STPG2: variants seen among roughly 807,000 people sequenced by gnomAD.
STPG2 encodes the protein sperm-tail PG-rich repeat-containing protein 2.
Under a neutral mutation model 54.2 loss-of-function variants are expected in STPG2, and 56 were observed. The ratio of observed to expected loss-of-function variants is 1.03; its 90% confidence interval spans 0.83 to 1.29. STPG2 has a LOEUF of 1.29. Among genes scored for constraint, STPG2 ranks in the 50% most tolerant of loss-of-function variants. The pLI is 0.00. For missense variants in STPG2, 596 were observed against 544.9 expected (o/e 1.09, Z -0.93); for synonymous variants, 200 against 181.8 (o/e 1.10, Z -0.81).
At position 97,866,544 on chromosome 4, in the gene STPG2, T is replaced by A. The variant is rs571035198; in HGVS notation, c.1045-25612A>T. 3.3e-5 allele frequency among the ~76,000 whole-genome samples: 5 copies of A among 152,160 alleles called. No individual in the cohort carries two copies. The East Asian group carries it at 7.7e-4, about 24-fold the overall frequency. On this transcript the variant is annotated intron_variant, in intron 8 of 10. Coordinates refer to ENST00000295268, the MANE Select transcript of STPG2 (RefSeq NM_174952.3). The stretch of plus-strand genomic sequence containing the variant: ...AATTCTTTTTGAAAAAAATCTGTTT[T>A]CTTGGCACTCTGAGGGTATTATCTC...
At chr4:97,778,463 G>C (rs1193315645) in intron 9 of STPG2, among the ~76,000 whole-genome samples, 1 of 152,170 alleles carries the variant, frequency 6.6e-6, no homozygotes, top group Non-Finnish European at 1.5e-5. Context: ...GCCCACCTTA[G>C]CTCAAGGAGG....
intron 9 of STPG2, among the ~76,000 whole-genome samples, chr4:97,799,141 T>C (rs1727295069): frequency 7.2e-6 from 1 of 139,742 alleles, no homozygotes; most frequent in Non-Finnish European, 1.5e-5. Context: ...TTATCCAGTT[T>C]GTCAGTCTGT....
intron 9 of STPG2, among the ~76,000 whole-genome samples, chr4:97,798,125 A>G (rs1727262716): frequency 1.3e-5 from 2 of 152,120 alleles, no homozygotes; most frequent in South Asian, 4.1e-4. Context: ...GATCTTTTCA[A>G]AAAACTAGCT....
At chr4:97,640,569 T>G (rs1296531662) in intron 10 of STPG2, among the ~76,000 whole-genome samples, 1 of 151,846 alleles carries the variant, frequency 6.6e-6, no homozygotes, top group Non-Finnish European at 1.5e-5. Flanking sequence ...TGTTTTCATG[T>G]TCAAATAGTT....
In STPG2 at chr4:97,853,518, T is replaced by A. The variant is rs547656951; in HGVS notation, c.1045-12586A>T. On this transcript the variant is annotated intron_variant, in intron 8 of 10. Coordinates refer to ENST00000295268, the MANE Select transcript of STPG2 (RefSeq NM_174952.3). Reference sequence around the variant, plus strand: ...TCAATAGCACATTTTTTAGTGACACTAAATGTTTCTTGATTAAATAAACAA... The same window carrying A: ...TCAATAGCACATTTTTTAGTGACACAAAATGTTTCTTGATTAAATAAACAA... Among the ~76,000 whole-genome samples the A allele has an allele frequency of 1.5e-3, 233 of 152,290 alleles. 1 individual carries two copies. The highest frequency in any genetic ancestry group is 5.4e-3 in the African/African-American group (223 of 41,580).
At chr4:98,105,700 C>T (rs1412665338) in intron 5 of STPG2, among the ~76,000 whole-genome samples, 1 of 151,796 alleles carries the variant, frequency 6.6e-6, no homozygotes, top group Non-Finnish European at 1.5e-5. Flanking sequence ...TGTGTTCTAC[C>T]CTTTGTTTCA....
rs561075328 is a variant in STPG2, at chr4:97,563,451, T to G, written c.1321-4334A>C. Among the ~76,000 whole-genome samples the G allele has an allele frequency of 4.3e-3, 652 of 152,330 alleles. 4 individuals carry two copies. Among genetic ancestry groups the G allele is most frequent in the South Asian group, 0.02 (98 of 4,828 alleles). On this transcript the variant is annotated intron_variant, in intron 10 of 10. Coordinates refer to ENST00000295268, the MANE Select transcript of STPG2 (RefSeq NM_174952.3). ...GTCTCTATTTCCTTCAGTTCTGCTC[T>G]GATTTTAGTTATTTCTTGCCTTCTG...
chr4:97,824,292 C>T (rs1215638115), intron 9 of STPG2, among the ~76,000 whole-genome samples: 2 of 152,042 alleles, frequency 1.3e-5, no homozygotes, highest in Non-Finnish European at 2.9e-5. Flanking sequence ...CTTTCCCTTC[C>T]TTTCTCTCTC....
intron 8 of STPG2, among the ~76,000 whole-genome samples, chr4:97,903,897 T>C (rs1287802084): frequency 6.6e-6 from 1 of 152,146 alleles, no homozygotes; most frequent in Admixed American, 6.5e-5. Context: ...CCAACGGGCT[T>C]AAAAAATGGC....
At chr4:97,500,515 G>A (rs1045361477) in intron 4 of STPG2, among the ~76,000 whole-genome samples, 2 of 152,010 alleles carry the variant, frequency 1.3e-5, no homozygotes, top group African/African-American at 2.4e-5. Flanking sequence ...CATATGGATA[G>A]CATTGAAAGC....
chr4:97,912,701 C>A (rs751776210), intron 8 of STPG2, among the ~76,000 whole-genome samples: 1 of 152,062 alleles, frequency 6.6e-6, no homozygotes, highest in African/African-American at 2.4e-5. Context: ...TTAAAAAGAC[C>A]AAACCTATGA....
At chr4:97,698,616 G>C (rs1328575738) in intron 10 of STPG2, among the ~76,000 whole-genome samples, 2 of 152,112 alleles carry the variant, frequency 1.3e-5, no homozygotes, top group South Asian at 2.1e-4. Context: ...GATGATGAGT[G>C]ACGCCACTTC....
intron 3 of STPG2, among the ~76,000 whole-genome samples, chr4:98,119,297 T>C (rs2865954): frequency 1.9e-3 from 286 of 152,130 alleles, no homozygotes; most frequent in African/African-American, 6.8e-3. Flanking sequence ...TGCCAAAATA[T>C]TAAACAAACC....
Position 97,699,297 on chromosome 4 carries a change from G to A in STPG2, c.1320+13402C>T, listed in dbSNP as rs532327294. Among the ~76,000 whole-genome samples, 518 of 152,330 alleles carry A rather than the reference G, an allele frequency of 3.4e-3. 2 individuals are homozygous for A. Among genetic ancestry groups the A allele is most frequent in the Non-Finnish European group, 5.6e-3 (383 of 68,026 alleles). On this transcript the variant is annotated intron_variant, in intron 10 of 10. Coordinates refer to ENST00000295268, the MANE Select transcript of STPG2 (RefSeq NM_174952.3). ...ATGGGCCCATTGGGCAATAACTGAG[G>A]TGGCTGGGGAAAGAGGCTGAGTGGT... is the stretch of plus-strand genomic sequence containing the variant.
intron 6 of STPG2, among the ~76,000 whole-genome samples, chr4:97,980,947 G>C (rs186770153): frequency 6.6e-6 from 1 of 152,146 alleles, no homozygotes; most frequent in Non-Finnish European, 1.5e-5. Context: ...ATTAGGATGT[G>C]CAGAATGTTA....
chr4:97,977,744 G>A (rs1734543428), intron 6 of STPG2, among the ~76,000 whole-genome samples: 2 of 152,296 alleles, frequency 1.3e-5, no homozygotes, highest in Non-Finnish European at 2.9e-5. Context: ...TCTCTCCATG[G>A]AATGAGTAGC....
chr4:97,970,921 G>A (rs1734302642), intron 7 of STPG2, among the ~76,000 whole-genome samples: 2 of 151,988 alleles, frequency 1.3e-5, no homozygotes, highest in African/African-American at 2.4e-5. Flanking sequence ...TCTGACAAAG[G>A]GCTAATATCC....
Position 97,964,390 on chromosome 4 carries a change from C to T in STPG2, c.933+7890G>A, listed in dbSNP as rs76034589. Among the ~76,000 whole-genome samples the T allele has an allele frequency of 1.9e-3, 295 of 152,120 alleles. 7 individuals are homozygous for T. The East Asian group carries it at 0.051, about 26-fold the overall frequency. On this transcript the variant is annotated intron_variant, in intron 7 of 10. Coordinates refer to ENST00000295268, the MANE Select transcript of STPG2 (RefSeq NM_174952.3). ...GGCAATCATCCTTAAAAAGGATGTACAATCATCCTTAAAAAGGAGGTGCAA... is the reference window on the plus strand; with the variant it reads ...GGCAATCATCCTTAAAAAGGATGTATAATCATCCTTAAAAAGGAGGTGCAA...
At chr4:97,844,588 T>G (rs1728893748) in intron 8 of STPG2, among the ~76,000 whole-genome samples, 1 of 152,008 alleles carries the variant, frequency 6.6e-6, no homozygotes, top group Non-Finnish European at 1.5e-5. Context: ...TCTTGTTGCT[T>G]TCAAGATGTC....
Sources: gnomAD v4.1 joint callset for allele counts (sites outside exome capture counted in the v4.1 genomes callset) on GRCh38, gnomAD v4.1.1 for gene constraint, MANE v1.5 for transcripts, NCBI Gene and HGNC (gene_info 2026-07-23, HGNC 2026-07-21) for gene names.